OR51B5: variants seen among roughly 807,000 people sequenced by gnomAD.
OR51B5 encodes the protein olfactory receptor 51B5.
For missense variants in OR51B5, 456 were observed against 374.6 expected (o/e 1.22, Z -1.79); for synonymous variants, 186 against 144.8 (o/e 1.28, Z -2.04).
At chr11:5,410,928 G>T (rs997438334) in intron 1 of OR51B5, among the ~76,000 whole-genome samples, 2 of 119,492 alleles carry the variant, frequency 1.7e-5, no homozygotes, top group Admixed American at 2.0e-4. Flanking sequence ...ACTGTACAAT[G>T]CATTCATGGA....
At chr11:5,418,801 A>C (rs146024988) in intron 1 of OR51B5, among the ~76,000 whole-genome samples, 2,297 of 151,558 alleles carry the variant, frequency 0.015, 32 homozygotes, top group Middle Eastern at 0.024. Flanking sequence ...TAGATGCAGC[A>C]AACCATCATG....
intron 1 of OR51B5, among the ~76,000 whole-genome samples, chr11:5,502,156 C>T (rs1358907458): frequency 1.3e-5 from 2 of 152,212 alleles, no homozygotes; most frequent in Non-Finnish European, 2.9e-5. Flanking sequence ...TGAATGACTA[C>T]AGGGGTCTTC....
intron 1 of OR51B5, among the ~76,000 whole-genome samples, chr11:5,442,584 C>T (rs914082238): frequency 2.6e-5 from 4 of 152,194 alleles, no homozygotes; most frequent in Admixed American, 2.6e-4. Flanking sequence ...TTTCCCAATT[C>T]TTAACCAAAT....
intron 1 of OR51B5, among the ~76,000 whole-genome samples, chr11:5,478,266 G>A (rs1054678755): frequency 8.7e-4 from 133 of 152,012 alleles, no homozygotes; most frequent in Admixed American, 1.2e-3. Context: ...CACCTCACAC[G>A]GCAGGGTATT....
At chr11:5,390,201 T>C (rs1350506492) in intron 1 of OR51B5, 1 of 1,613,906 alleles carries the variant, frequency 6.2e-7, no homozygotes, top group African/African-American at 1.3e-5. Context: ...GTGCCCATGA[T>C]GGGGCTGTCC....
intron 1 of OR51B5, among the ~76,000 whole-genome samples, chr11:5,362,054 T>C (rs889123012): frequency 1.3e-5 from 2 of 152,234 alleles, no homozygotes; most frequent in East Asian, 1.9e-4. Context: ...ATGCTTTAAA[T>C]TGCTGCATAT....
intron 1 of OR51B5, chr11:5,431,563 C>T (rs1850535882): frequency 6.4e-6 from 1 of 157,160 alleles, no homozygotes; most frequent in Non-Finnish European, 1.4e-5. Context: ...GTCAGGAAGA[C>T]AGATAGGAGG....
chr11:5,343,703 T>G (rs1848943913), upstream of OR51B5: 1 of 505,580 alleles, frequency 2.0e-6, no homozygotes, highest in Admixed American at 3.7e-5. Context: ...ATACTATTTG[T>G]ATTCTTAACT....
At chr11:5,403,350 G>C (rs1850003170) in intron 1 of OR51B5, 2 of 471,580 alleles carry the variant, frequency 4.2e-6, no homozygotes, top group South Asian at 1.5e-5. Flanking sequence ...TGCTGTGCTT[G>C]CTTACTATGT....
intron 1 of OR51B5, among the ~76,000 whole-genome samples, chr11:5,424,798 G>A (rs1850418152): frequency 7.9e-6 from 1 of 126,960 alleles, no homozygotes; most frequent in African/African-American, 2.9e-5. Flanking sequence ...TGGCTAACAC[G>A]GTGAAACCCC....
intron 1 of OR51B5, among the ~76,000 whole-genome samples, chr11:5,382,275 A>G (rs562388672): frequency 1.8e-4 from 27 of 152,288 alleles, no homozygotes; most frequent in African/African-American, 6.5e-4. Context: ...CCTTGCTTAC[A>G]CTACCCCTCC....
chr11:5,349,629 T>C (rs1849044942), intron 1 of OR51B5, among the ~76,000 whole-genome samples: 1 of 152,200 alleles, frequency 6.6e-6, no homozygotes, highest in African/African-American at 2.4e-5. Context: ...TAACAATGAA[T>C]ACCTATAATA....
At chr11:5,486,691 C>G (rs1851504330) in intron 1 of OR51B5, among the ~76,000 whole-genome samples, 1 of 152,166 alleles carries the variant, frequency 6.6e-6, no homozygotes, top group Non-Finnish European at 1.5e-5. Flanking sequence ...GGTAGGAAGG[C>G]AGATGAGCTA....
chr11:5,373,775 G>A (rs542193314), intron 1 of OR51B5, among the ~76,000 whole-genome samples: 135 of 152,328 alleles, frequency 8.9e-4, no homozygotes, highest in African/African-American at 3.0e-3. Flanking sequence ...CGAGGCTGGG[G>A]GAGGGGCAGC....
At chr11:5,440,921 G>A in intron 1 of OR51B5, 2 of 1,613,876 alleles carry the variant, frequency 1.2e-6, no homozygotes, top group East Asian at 2.2e-5. Flanking sequence ...GCCCATAAAT[G>A]TTGTTAACAT....
intron 1 of OR51B5, among the ~76,000 whole-genome samples, chr11:5,377,695 G>T (rs1388985113): frequency 2.6e-5 from 4 of 151,972 alleles, no homozygotes; most frequent in East Asian, 3.9e-4. Context: ...AAATCATGAG[G>T]GAACTCCCAT....
At chr11:5,389,524 C>A (rs1334374516) in intron 1 of OR51B5, 2 of 1,613,850 alleles carry the variant, frequency 1.2e-6, no homozygotes, top group African/African-American at 2.7e-5. Context: ...TTTTCATCCC[C>A]TTTTTCTTTA....
At chr11:5,489,704 T>G in intron 1 of OR51B5, 1 of 1,313,520 alleles carries the variant, frequency 7.6e-7, no homozygotes. Flanking sequence ...AAGTGTAGGA[T>G]GGCTGTCTAG....
At chr11:5,379,012 C>A (rs377188482) in intron 1 of OR51B5, among the ~76,000 whole-genome samples, 7 of 148,692 alleles carry the variant, frequency 4.7e-5, no homozygotes, top group Admixed American at 2.7e-4. Context: ...CACATGCACA[C>A]GTATGTTTAT....
Sources: allele counts gnomAD v4.1 joint callset (sites outside exome capture counted in the v4.1 genomes callset), GRCh38; gene constraint gnomAD v4.1.1; transcripts MANE v1.5; gene names NCBI Gene and HGNC (gene_info 2026-07-23, HGNC 2026-07-21).